The following GABRA4 variants were observed in gnomAD, a reference collection of about 807,000 sequenced individuals.
The protein encoded by GABRA4 is gamma-aminobutyric acid receptor subunit alpha-4.
GABRA4 carries 12 observed loss-of-function variants against 49.7 expected under a neutral mutation model. The observed-to-expected ratio is 0.24, with a 90% CI of 0.15 to 0.39. The LOEUF is 0.39. Ranked by LOEUF, GABRA4 falls within the 10% of genes least tolerant of loss-of-function variation. The pLI, the probability that GABRA4 is intolerant of heterozygous loss-of-function variation, is 1.00. For synonymous variants in GABRA4, 288 were observed against 240.2 expected, an observed-to-expected ratio of 1.20 and a Z score of -1.84; for missense variants, 506 against 686.0, an observed-to-expected ratio of 0.74 and a Z score of 2.93.
At chr4:46,944,599 G>T (rs1022119314) in intron 8 of GABRA4, among the ~76,000 whole-genome samples, 3 of 152,102 alleles carry the variant, frequency 2.0e-5, no homozygotes, top group Admixed American at 6.6e-5. Context: ...AGAAATGTGA[G>T]CCATTTTCCC....
intron 2 of GABRA4, among the ~76,000 whole-genome samples, chr4:46,989,957 A>T (rs1418675684): frequency 6.6e-6 from 1 of 152,234 alleles, no homozygotes; most frequent in African/African-American, 2.4e-5. Flanking sequence ...CATTGTTTTC[A>T]GTGGTACACA....
intron 2 of GABRA4, among the ~76,000 whole-genome samples, chr4:46,987,713 C>A: frequency 6.6e-6 from 1 of 152,138 alleles, no homozygotes; most frequent in Admixed American, 6.6e-5. Flanking sequence ...TTATTCCAAG[C>A]AACCATCAAC....
At chr4:46,956,412 G>A (rs892173523) in intron 8 of GABRA4, among the ~76,000 whole-genome samples, 2 of 152,074 alleles carry the variant, frequency 1.3e-5, no homozygotes, top group African/African-American at 4.8e-5. Context: ...GGAATTTTGA[G>A]AATGATTGAA....
intron 2 of GABRA4, among the ~76,000 whole-genome samples, chr4:46,991,920 C>T (rs768252957): frequency 6.6e-6 from 1 of 152,290 alleles, no homozygotes; most frequent in South Asian, 2.1e-4. Flanking sequence ...CTGTTCAACT[C>T]AGTTGCTGAA....
At chr4:46,983,740 C>G (rs1723438310) in intron 2 of GABRA4, among the ~76,000 whole-genome samples, 1 of 152,062 alleles carries the variant, frequency 6.6e-6, no homozygotes, top group African/African-American at 2.4e-5. Flanking sequence ...CAAACTTACT[C>G]AGAGTATAAT....
chr4:46,988,289 C>A (rs1293563936), intron 2 of GABRA4, among the ~76,000 whole-genome samples: 1 of 151,988 alleles, frequency 6.6e-6, no homozygotes, highest in Non-Finnish European at 1.5e-5. Flanking sequence ...CTCTATAATG[C>A]TTAGCTATAA....
At chr4:46,963,696 G>T (rs1116735) in intron 8 of GABRA4, among the ~76,000 whole-genome samples, 79,086 of 151,598 alleles carry the variant, frequency 0.52, 20,942 homozygotes, top group East Asian at 0.7. Context: ...AACAGATATA[G>T]GTAAAGGTGC....
At chr4:46,942,448 C>T (rs1721836046) in intron 8 of GABRA4, among the ~76,000 whole-genome samples, 4 of 151,846 alleles carry the variant, frequency 2.6e-5, no homozygotes, top group Admixed American at 1.3e-4. Flanking sequence ...AGTGAAACCC[C>T]ATCTCTACTA....
intron 8 of GABRA4, among the ~76,000 whole-genome samples, chr4:46,938,152 T>C (rs1721662439): frequency 6.6e-6 from 1 of 152,162 alleles, no homozygotes; most frequent in African/African-American, 2.4e-5. Flanking sequence ...GAATGCTAAA[T>C]TAGATGGCCA....
chr4:46,987,524 T>C (rs548241115), intron 2 of GABRA4, among the ~76,000 whole-genome samples: 124 of 152,236 alleles, frequency 8.1e-4, no homozygotes, highest in Non-Finnish European at 1.6e-3. Context: ...CCTCCCCAGC[T>C]TTAAATAACA....
At chr4:46,984,402 T>A (rs1723463820) in intron 2 of GABRA4, among the ~76,000 whole-genome samples, 1 of 152,042 alleles carries the variant, frequency 6.6e-6, no homozygotes, top group Admixed American at 6.6e-5. Flanking sequence ...ATACAAGCCT[T>A]CCTGAATACT....
At position 46,926,277 on chromosome 4, in the gene GABRA4, T is replaced by A. The variant is rs930336520; in HGVS notation, c.*1948A>T. 1 of 150,566 alleles carries A rather than the reference T, an allele frequency of 6.6e-6. No individual in the cohort carries two copies. 9.3% of individuals were successfully genotyped at this position (150,566 alleles called of 1,614,324 possible). A position where few individuals can be genotyped will look rare whatever the true frequency, so the allele number is the denominator to read the frequency against. ...TTCATGAAATAATTTATGATAAGCT[T>A]TTTTGTACAAGTACTCTTTATTAAA... On this transcript the variant is annotated 3_prime_UTR_variant, in exon 9 of 9. Transcript: ENST00000264318.
chr4:46,962,275 TTAA>T (rs3047535), intron 8 of GABRA4, among the ~76,000 whole-genome samples: 78,774 of 151,350 alleles, frequency 0.52, 20,779 homozygotes, highest in East Asian at 0.7. Flanking sequence ...GGATACAAAA[TTAA>T]TATACAAAAA....
At chr4:46,934,066 G>T (rs1721529317) in intron 8 of GABRA4, among the ~76,000 whole-genome samples, 1 of 152,124 alleles carries the variant, frequency 6.6e-6, no homozygotes, top group African/African-American at 2.4e-5. Context: ...AAGTGACTAA[G>T]ATTAGGTCTG....
chr4:46,922,772 T>G lies in GABRA4; in HGVS notation c.*5453A>C, dbSNP rs1721080863. 2 of 152,040 alleles carry G rather than the reference T, an allele frequency of 1.3e-5. No homozygotes were observed. Among genetic ancestry groups the G allele is most frequent in the South Asian group, 2.1e-4 (1 of 4,830 alleles). 9.4% of individuals were successfully genotyped at this position (152,040 alleles called of 1,614,324 possible). ...AGAATAATCACAACTGAAAACTCAC[T>G]AGGGTTATGGTTGACAAAAGTTAAA... On this transcript the variant is annotated 3_prime_UTR_variant, in exon 9 of 9. Transcript: ENST00000264318.
At chr4:46,961,521 A>C (rs1722572364) in intron 8 of GABRA4, among the ~76,000 whole-genome samples, 1 of 151,886 alleles carries the variant, frequency 6.6e-6, no homozygotes, top group Admixed American at 6.6e-5. Flanking sequence ...TTTTTGGTAC[A>C]CTATCGGCTC....
At chr4:46,990,055 G>A (rs1289038531) in intron 2 of GABRA4, among the ~76,000 whole-genome samples, 3 of 152,168 alleles carry the variant, frequency 2.0e-5, no homozygotes, top group Non-Finnish European at 4.4e-5. Flanking sequence ...CACATTTACA[G>A]AGAATGACCC....
At chr4:46,945,472 C>G (rs1721952669) in intron 8 of GABRA4, among the ~76,000 whole-genome samples, 1 of 152,120 alleles carries the variant, frequency 6.6e-6, no homozygotes, top group African/African-American at 2.4e-5. Context: ...GCTGTGATAG[C>G]TTGTTTAACA....
intron 8 of GABRA4, among the ~76,000 whole-genome samples, chr4:46,938,096 G>C (rs976301711): frequency 6.6e-6 from 1 of 152,068 alleles, no homozygotes. Flanking sequence ...ATCCTTGAAA[G>C]TGGAGTTAAT....
Sources: gnomAD v4.1 joint callset for allele counts (sites outside exome capture counted in the v4.1 genomes callset) on GRCh38, gnomAD v4.1.1 for gene constraint, MANE v1.5 for transcripts, NCBI Gene and HGNC (gene_info 2026-07-23, HGNC 2026-07-21) for gene names.